SF3B2: variants seen among roughly 807,000 people sequenced by gnomAD.
The protein encoded by SF3B2 is splicing factor 3b subunit 2.
SF3B2 carries 22 observed loss-of-function variants against 116.3 expected under a neutral mutation model. The ratio of observed to expected loss-of-function variants is 0.19; its 90% CI spans 0.14 to 0.27. The LOEUF is 0.27. Among genes scored for constraint, SF3B2 ranks in the 10% least tolerant of loss-of-function variants. SF3B2 has a pLI of 1.00. For missense variants in SF3B2, 767 were observed against 1,151.4 expected (o/e 0.67, Z 4.83); for synonymous variants, 406 against 421.6 (o/e 0.96, Z 0.45).
Position 66,056,745 on chromosome 11 carries a change from T to C in SF3B2, c.550-93T>C. 10 of 914,198 alleles carry C rather than the reference T, an allele frequency of 1.1e-5. No homozygotes were observed. The South Asian group carries it at 1.2e-4, about 11-fold the overall frequency. 56.6% of individuals were successfully genotyped at this position (914,198 alleles called of 1,614,324 possible). A position where few individuals can be genotyped will look rare whatever the true frequency, so the allele number is the denominator to read the frequency against. On this transcript the variant is annotated intron_variant, in intron 5 of 21. Coordinates refer to ENST00000322535, the MANE Select transcript of SF3B2 (RefSeq NM_006842.3). ...CCAAGTGGTTCGTGATTGTTCTCCTTGGGCCCATTACCCGGCTGAAAGAAT... is the reference window on the plus strand; with the variant it reads ...CCAAGTGGTTCGTGATTGTTCTCCTCGGGCCCATTACCCGGCTGAAAGAAT...
At chr11:66,064,883 A>G (rs1424302717) in intron 19 of SF3B2, 3 of 152,186 alleles carry the variant, frequency 2.0e-5, no homozygotes, top group African/African-American at 7.2e-5. Flanking sequence ...CTGCTTGAGT[A>G]GTCTTAAAAA....
At position 66,057,391 on chromosome 11, in the gene SF3B2, T is replaced by C; in HGVS notation, c.777+16T>C. On this transcript the variant is annotated intron_variant, in intron 7 of 21. Coordinates refer to ENST00000322535, the MANE Select transcript of SF3B2 (RefSeq NM_006842.3). ...GAACAGAGAGGTGAGACTGATGATTTATTCCTAGGGATAAGAGAGTGGTAG... is the reference window on the plus strand; with the variant it reads ...GAACAGAGAGGTGAGACTGATGATTCATTCCTAGGGATAAGAGAGTGGTAG... 8.7e-7 allele frequency: 1 copy of C among 1,148,130 alleles called. No homozygotes were observed. Among genetic ancestry groups the C allele is most frequent in the Non-Finnish European group, 1.3e-6 (1 of 759,890 alleles). 71.1% of individuals were successfully genotyped at this position (1,148,130 alleles called of 1,614,324 possible). A position where few individuals can be genotyped will look rare whatever the true frequency, so the allele number is the denominator to read the frequency against.
chr11:66,058,136 T>C lies in SF3B2; in HGVS notation c.860T>C (p.Met287Thr). 1 of 1,609,138 alleles carries C rather than the reference T, an allele frequency of 6.2e-7. No homozygotes were observed. Among genetic ancestry groups the C allele is most frequent in the South Asian group, 1.1e-5 (1 of 90,402 alleles). ...LQLKESRQEE[M>T]NSQQEEEEME... ...CTGAAGGAGAGCCGCCAGGAAGAGA[T>C]GAATTCTCAGCAGGGTGAGTGCCAG... Residue 287 changes from methionine (M) to threonine (T), a missense_variant, in exon 8 of 22, where the codon ATG becomes ACG. Around this residue, in one of 4 missense-constraint regions of SF3B2, gnomAD observed 455 missense variants for 537.5 expected, o/e 0.85. Coordinates refer to ENST00000322535, the MANE Select transcript of SF3B2 (RefSeq NM_006842.3).
intron 7 of SF3B2, among the ~76,000 whole-genome samples, chr11:66,057,746 C>T (rs1341601392): frequency 2.0e-5 from 3 of 151,754 alleles, no homozygotes; most frequent in Non-Finnish European, 2.9e-5. Flanking sequence ...GAGGCCGAGG[C>T]GGGCGGATCA....
At chr11:66,068,548 G>C (rs916864384) in intron 21 of SF3B2, 126 bp from the exon 22 acceptor site, 3 of 910,930 alleles carry the variant, frequency 3.3e-6, no homozygotes, top group Non-Finnish European at 5.1e-6. Context: ...GAGGGAGCTC[G>C]AAGAGAATTC....
At chr11:66,054,334 G>A (rs781701284) in intron 3 of SF3B2, among the ~76,000 whole-genome samples, 3 of 151,908 alleles carry the variant, frequency 2.0e-5, no homozygotes, top group Admixed American at 6.6e-5. Flanking sequence ...AAAATTAGCC[G>A]GGCATGGTGG....
At chr11:66,068,118 G>A (rs542211976) in intron 20 of SF3B2, 30 bp from the exon 21 acceptor site, 7 of 1,613,260 alleles carry the variant, frequency 4.3e-6, no homozygotes, top group Non-Finnish European at 5.9e-6. Flanking sequence ...TGACTCTTTG[G>A]AGATGACCAG....
Position 66,052,695 on chromosome 11 carries a change from G to A in SF3B2, c.156G>A (p.Glu52=), listed in dbSNP as rs759953623. The change falls in exon 2 of 22, where the codon GAG becomes GAA. Residue 52 remains glutamate (E), a synonymous_variant. Coordinates refer to ENST00000322535, the MANE Select transcript of SF3B2 (RefSeq NM_006842.3). ...PIQGNREELV[E]RLQSYTRQTG... ...CAGGTAATCGCGAGGAGCTGGTGGA[G>A]CGGCTGCAGAGCTACACCCGCCAGG... 1 of 1,589,574 alleles carries A rather than the reference G, an allele frequency of 6.3e-7. No homozygotes were observed. The highest frequency in any genetic ancestry group is 2.2e-5 in the East Asian group (1 of 44,764).
At position 66,055,584 on chromosome 11, in the gene SF3B2, G is replaced by A. The variant is rs1856980300; in HGVS notation, c.548G>A (p.Arg183Gln). 6 of 1,614,112 alleles carry A rather than the reference G, an allele frequency of 3.7e-6. No individual in the cohort carries two copies. The highest frequency in any genetic ancestry group is 4.2e-6 in the Non-Finnish European group (5 of 1,179,992). Residue 183 changes from arginine to glutamine, a missense_variant and splice_region_variant, in exon 5 of 22, where the codon CGG (arginine) becomes CAG (glutamine). Physicochemically the swap from Arg to Gln is conservative, Grantham distance 43 (BLOSUM62 1). Coordinates refer to ENST00000322535, the MANE Select transcript of SF3B2 (RefSeq NM_006842.3). ...KEHELLEQQK[R>Q]AAVLLEQERQ... ...CATGAGCTCTTGGAGCAGCAGAAGC[G>A]GGTAATACCCCTCCCCCTAACCTTT...
chr11:66,058,057 G>C lies in SF3B2; in HGVS notation c.781G>C (p.Asp261His). The change falls in exon 8 of 22, where the codon GAT becomes CAT. Residue 261 changes from aspartate to histidine, a missense_variant. This residue lies in a region of SF3B2 where 455 missense variants were observed against 537.5 expected (regional missense o/e 0.85). Transcript: ENST00000322535. ...TCTGACTGGGTGTCTCTGGCAGATGGATGACCCCTCTGTGGGCCCCAAGAT... is the reference window on the plus strand; with the variant it reads ...TCTGACTGGGTGTCTCTGGCAGATGCATGACCCCTCTGTGGGCCCCAAGAT... Reference protein sequence around the residue: ...PPPGDENREMDDPSVGPKIPQ... With the variant: ...PPPGDENREMHDPSVGPKIPQ... 2 of 1,606,828 alleles carry C rather than the reference G, an allele frequency of 1.2e-6. No individual in the cohort carries two copies. Among genetic ancestry groups the C allele is most frequent in the South Asian group, 2.2e-5 (2 of 89,940 alleles).
chr11:66,056,125 G>A (rs929444414), intron 5 of SF3B2, among the ~76,000 whole-genome samples: 2 of 152,180 alleles, frequency 1.3e-5, no homozygotes, highest in African/African-American at 2.4e-5. Context: ...GTATGAGCTG[G>A]GTGCCGTGGC....
intron 9 of SF3B2, 169 bp from the exon 10 acceptor site, chr11:66,058,661 A>C: frequency 1.5e-6 from 1 of 655,800 alleles, no homozygotes; most frequent in Non-Finnish European, 2.6e-6. Context: ...GAGTGGCAGA[A>C]CTTTGGAGTC....
intron 3 of SF3B2, 193 bp downstream of exon 3, chr11:66,053,297 G>T: frequency 1.6e-6 from 1 of 610,380 alleles, no homozygotes. Context: ...TTGTTGGGCA[G>T]GGAGGTACTG....
At chr11:66,052,884 G>T in intron 2 of SF3B2, 143 bp from the exon 3 acceptor site, 2 of 1,199,430 alleles carry the variant, frequency 1.7e-6, no homozygotes, top group Non-Finnish European at 1.2e-6. Flanking sequence ...GTAATTTCTT[G>T]TATCCATCTT....
Position 66,061,909 on chromosome 11 carries a change from C to A in SF3B2, c.1888C>A (p.Pro630Thr). ...PVGPNAHKVPPPWLIAMQRYG... is the reference protein window; with the variant it reads ...PVGPNAHKVPTPWLIAMQRYG... ...CCTGCAGAATGCCCACAAGGTCCCTCCCCCATGGCTGATTGCCATGCAGCG... is the reference window on the plus strand; with the variant it reads ...CCTGCAGAATGCCCACAAGGTCCCTACCCCATGGCTGATTGCCATGCAGCG... Residue 630 changes from proline to threonine, a missense_variant, in exon 16 of 22, where the codon CCC becomes ACC. Transcript: ENST00000322535. 6.2e-7 allele frequency: 1 copy of A among 1,613,188 alleles called. No homozygotes were observed. Among genetic ancestry groups the A allele is most frequent in the East Asian group, 2.2e-5 (1 of 44,864 alleles).
chr11:66,064,657 C>T (rs943149272), intron 19 of SF3B2: 6 of 152,028 alleles, frequency 3.9e-5, no homozygotes, highest in African/African-American at 1.4e-4. Context: ...TTTTCCTCTG[C>T]CTGAAGGGCT....
At position 66,059,787 on chromosome 11, in the gene SF3B2, G is replaced by T. The variant is rs1161155206; in HGVS notation, c.1407G>T (p.Val469=). ...RFTVAELKQL[V]ARPDVVEMHD... is the part of the protein sequence containing the mutation. ...CATTACTATGTGTTTTCCAGCTGGTGGCTCGGCCCGATGTCGTGGAGATGC... is the reference window on the plus strand; with the variant it reads ...CATTACTATGTGTTTTCCAGCTGGTTGCTCGGCCCGATGTCGTGGAGATGC... Residue 469 remains valine (V), a synonymous_variant, in exon 13 of 22, where the codon GTG becomes GTT. Transcript: ENST00000322535. This position sits in a 1 kb window ranked among gnomAD's most constrained non-coding sequence, Gnocchi z 5.0. 2 of 1,614,088 alleles carry T rather than the reference G, an allele frequency of 1.2e-6. No individual in the cohort carries two copies. Among genetic ancestry groups the T allele is most frequent in the Non-Finnish European group, 1.7e-6 (2 of 1,180,034 alleles).
chr11:66,054,477 C>CAA lies in SF3B2; in HGVS notation c.259-584_259-583dup, dbSNP rs5792379. 1.9e-3 allele frequency among the ~76,000 whole-genome samples: 261 copies of CAA among 140,020 alleles called. 1 individual carries two copies. Among genetic ancestry groups the CAA allele is most frequent in the South Asian group, 4.0e-3 (18 of 4,448 alleles). 91.9% of individuals were successfully genotyped at this position (140,020 alleles called of 152,430 possible). The stretch of plus-strand genomic sequence containing the variant: ...GGGTGACAGAGCGAGACTCTTGTCT[C>CAA]AAAAAAAAAAAAAAAATACAGCTTG... On this transcript the variant is annotated intron_variant, in intron 3 of 21. Coordinates refer to ENST00000322535, the MANE Select transcript of SF3B2 (RefSeq NM_006842.3).
At chr11:66,060,878 T>A (rs1857091097) in intron 14 of SF3B2, 147 bp downstream of exon 14, 1 of 846,988 alleles carries the variant, frequency 1.2e-6, no homozygotes, top group Non-Finnish European at 1.8e-6. Context: ...CGGCTCACTG[T>A]AACCTCTGCC....
Sources: allele counts gnomAD v4.1 joint callset (sites outside exome capture counted in the v4.1 genomes callset), GRCh38; gene constraint gnomAD v4.1.1; regional missense constraint gnomAD v4.1.1; non-coding constraint Gnocchi (gnomAD v3.1); transcripts MANE v1.5; gene names NCBI Gene and HGNC (gene_info 2026-07-23, HGNC 2026-07-21).